Variants in PDLIM1 observed in about 807,000 individuals in gnomAD.
The protein encoded by PDLIM1 is PDZ and LIM domain 1, also known as PDZ and LIM domain protein 1.
A neutral mutation model predicts 35.2 loss-of-function variants in PDLIM1; 25 were observed. The ratio of observed to expected loss-of-function variants is 0.71; its 90% CI spans 0.52 to 0.99. The LOEUF (loss-of-function observed/expected upper bound fraction) is 0.99. PDLIM1 is among the 50% of genes least tolerant of loss of function. The probability of loss-of-function intolerance (pLI) is 0.00; values close to 1 mark genes in which losing one functional copy is unlikely to be tolerated. For synonymous variants in PDLIM1, 152 were observed against 154.0 expected (o/e 0.99, Z 0.10); for missense variants, 363 against 415.3 (o/e 0.87, Z 1.09).
intron 4 of PDLIM1, among the ~76,000 whole-genome samples, chr10:95,259,314 G>A (rs2035342280): frequency 6.6e-6 from 1 of 152,112 alleles, no homozygotes; most frequent in African/African-American, 2.4e-5. Context: ...GAAGTTAAGT[G>A]CTAGCTGGAA....
intron 1 of PDLIM1, among the ~76,000 whole-genome samples, chr10:95,280,602 C>A (rs1397128035): frequency 6.6e-6 from 1 of 152,202 alleles, no homozygotes; most frequent in East Asian, 1.9e-4. Context: ...ATAAACAGTA[C>A]TGTTGCCTTT....
chr10:95,268,295 A>G (rs2035432057), intron 3 of PDLIM1, among the ~76,000 whole-genome samples: 1 of 152,214 alleles, frequency 6.6e-6, no homozygotes, highest in African/African-American at 2.4e-5. Flanking sequence ...TGTAACAAAA[A>G]TAGAGATTTC....
chr10:95,237,958 C>T lies in PDLIM1; in HGVS notation c.957G>A (p.Glu319=), dbSNP rs1165554214. Residue 319 remains glutamate, a synonymous_variant, in exon 7 of 7, where the codon GAG becomes GAA. Coordinates refer to ENST00000329399, the MANE Select transcript of PDLIM1 (RefSeq NM_020992.4). The stretch of plus-strand genomic sequence containing the variant: ...GGAACACAGTGACCACTTCATAACC[C>T]TCAGGTGGTGTGACTCGCTCCCGGG... ...KHARERVTPP[E]GYEVVTVFPK 7.4e-6 allele frequency: 12 copies of T among 1,614,176 alleles called. No homozygotes were observed. The highest frequency in any genetic ancestry group is 1.3e-5 in the African/African-American group (1 of 75,046).
At chr10:95,240,401 A>G (rs1479113924) in intron 5 of PDLIM1, among the ~76,000 whole-genome samples, 1 of 152,228 alleles carries the variant, frequency 6.6e-6, no homozygotes, top group Non-Finnish European at 1.5e-5. Flanking sequence ...ACACAAAACC[A>G]AATACCACAT....
chr10:95,272,410 G>T (rs2133433481), intron 1 of PDLIM1, among the ~76,000 whole-genome samples: 1 of 152,256 alleles, frequency 6.6e-6, no homozygotes, highest in South Asian at 2.1e-4. Context: ...AGGCATGGTG[G>T]CTCATGCCTG....
At chr10:95,269,734 TATTTA>T (rs1268663883) in intron 2 of PDLIM1, among the ~76,000 whole-genome samples, 1 of 152,094 alleles carries the variant, frequency 6.6e-6, no homozygotes. Context: ...TTATTTATTT[TATTTA>T]TTTATTTTTT....
At chr10:95,273,511 G>A (rs1451479785) in intron 1 of PDLIM1, 1 of 152,188 alleles carries the variant, frequency 6.6e-6, no homozygotes, top group African/African-American at 2.4e-5. Flanking sequence ...TGATCCTTGA[G>A]GTCCCTTCTG....
intron 1 of PDLIM1, among the ~76,000 whole-genome samples, chr10:95,272,012 C>T (rs2035468832): frequency 6.6e-6 from 1 of 152,088 alleles, no homozygotes; most frequent in African/African-American, 2.4e-5. Context: ...GGACAAATAG[C>T]AGTCCCCATT....
At chr10:95,242,543 C>T (rs1032691778) in intron 5 of PDLIM1, among the ~76,000 whole-genome samples, 3 of 151,852 alleles carry the variant, frequency 2.0e-5, no homozygotes, top group Non-Finnish European at 4.4e-5. Flanking sequence ...AGAAACTAGC[C>T]GGGCATTGTG....
At chr10:95,265,721 C>T (rs1232710812) in intron 3 of PDLIM1, among the ~76,000 whole-genome samples, 1 of 150,186 alleles carries the variant, frequency 6.7e-6, no homozygotes, top group Non-Finnish European at 1.5e-5. Flanking sequence ...TCGAAACCAG[C>T]CTGGGCAACA....
chr10:95,281,280 TAAA>T (rs113817432), intron 1 of PDLIM1, among the ~76,000 whole-genome samples: 1 of 144,808 alleles, frequency 6.9e-6, no homozygotes, highest in Non-Finnish European at 1.5e-5. Context: ...AAAACAGACT[TAAA>T]AAAAAAAAAA....
At chr10:95,281,506 G>A (rs1443154606) in intron 1 of PDLIM1, among the ~76,000 whole-genome samples, 1 of 152,220 alleles carries the variant, frequency 6.6e-6, no homozygotes, top group Admixed American at 6.5e-5. Context: ...AGTGGAGGCT[G>A]CAGTTAGCTA....
intron 1 of PDLIM1, among the ~76,000 whole-genome samples, chr10:95,279,723 A>G (rs2035544128): frequency 6.6e-6 from 1 of 152,208 alleles, no homozygotes. Context: ...TGCCTTCTGT[A>G]AAATTACTAA....
rs148483494 is a variant in PDLIM1, at chr10:95,283,977, T to TC, written c.96+6842_96+6843insG. ...CTCTTCACTCTTAGGTATGGCCTTT[T>TC]TCTCTGTGTGTGTGTGTGTGTGTGT... On this transcript the variant is annotated intron_variant, in intron 1 of 6. Coordinates refer to ENST00000329399, the MANE Select transcript of PDLIM1 (RefSeq NM_020992.4). Among the ~76,000 whole-genome samples the TC allele has an allele frequency of 5.6e-4, 73 of 129,376 alleles. 1 individual carries two copies. Among genetic ancestry groups the TC allele is most frequent in the South Asian group, 2.1e-3 (8 of 3,788 alleles). The allele number at this position is 129,376 out of a possible 152,430, so 84.9% of individuals were successfully genotyped here. A position where few individuals can be genotyped will look rare whatever the true frequency, so the allele number is the denominator to read the frequency against.
intron 1 of PDLIM1, among the ~76,000 whole-genome samples, chr10:95,280,625 G>C (rs12098304): frequency 0.06 from 9,150 of 152,218 alleles, 781 homozygotes; most frequent in African/African-American, 0.2. Context: ...GACAGAGGTG[G>C]GGGTTTTAAC....
intron 5 of PDLIM1, among the ~76,000 whole-genome samples, chr10:95,242,688 A>T (rs1315467873): frequency 6.6e-6 from 1 of 152,092 alleles, no homozygotes; most frequent in Non-Finnish European, 1.5e-5. Flanking sequence ...CAAAAAAAAA[A>T]AAAAAATTCT....
chr10:95,285,340 GC>G (rs2133443705), intron 1 of PDLIM1, among the ~76,000 whole-genome samples: 1 of 152,288 alleles, frequency 6.6e-6, no homozygotes, highest in African/African-American at 2.4e-5. Flanking sequence ...AGGGTGTGGA[GC>G]CCAGGAGTGT....
intron 4 of PDLIM1, among the ~76,000 whole-genome samples, chr10:95,254,762 C>CA (rs1457631267): frequency 2.1e-4 from 32 of 151,596 alleles, no homozygotes; most frequent in African/African-American, 6.3e-4. Flanking sequence ...ACAAAAATTA[C>CA]AAAAAAAATT....
intron 1 of PDLIM1, among the ~76,000 whole-genome samples, chr10:95,288,937 C>T (rs547539987): frequency 1.3e-5 from 2 of 152,256 alleles, no homozygotes; most frequent in Admixed American, 6.5e-5. Context: ...TCATTAAACA[C>T]GTGCACACGC....
Sources: allele counts gnomAD v4.1 joint callset (sites outside exome capture counted in the v4.1 genomes callset), GRCh38; gene constraint gnomAD v4.1.1; transcripts MANE v1.5; gene names NCBI Gene and HGNC (gene_info 2026-07-23, HGNC 2026-07-21).